Variants in STPG2 observed in about 807,000 individuals in gnomAD.
STPG2 encodes the protein sperm-tail PG-rich repeat-containing protein 2.
In STPG2, 56 loss-of-function variants were observed where a neutral mutation model predicts 54.2. That is an observed-to-expected ratio of 1.03 (90% CI 0.83 to 1.29). The LOEUF (loss-of-function observed/expected upper bound fraction) is 1.29, where lower values mean the gene tolerates loss of function less well. Ranked by LOEUF, STPG2 falls within the 50% of genes most tolerant of loss-of-function variation. STPG2 has a pLI of 0.00. For missense variants in STPG2, 596 were observed against 544.9 expected (o/e 1.09, Z -0.93); for synonymous variants, 200 against 181.8 (o/e 1.10, Z -0.81).
At position 97,840,856 on chromosome 4, in the gene STPG2, G is replaced by C. The variant is rs759189218; in HGVS notation, c.1121C>G (p.Pro374Arg). The C allele has an allele frequency of 6.2e-7, 1 of 1,612,002 alleles. No individual in the cohort carries two copies. The highest frequency in any genetic ancestry group is 8.5e-7 in the Non-Finnish European group (1 of 1,178,606). ...TTTTCTTTTAGCCACTAAACTACGA[G>C]GTGGCATATATTTATGCTTAACTTG... ...MSQVKHKYMPPRSLVAKRKHA... is the reference protein window; with the variant it reads ...MSQVKHKYMPRRSLVAKRKHA... Residue 374 changes from proline to arginine, a missense_variant, in exon 9 of 11, where the codon CCT becomes CGT. Coordinates refer to ENST00000295268, the MANE Select transcript of STPG2 (RefSeq NM_174952.3).
intron 4 of STPG2, among the ~76,000 whole-genome samples, chr4:97,497,278 C>A (rs556782300): frequency 6.6e-6 from 1 of 151,774 alleles, no homozygotes; most frequent in African/African-American, 2.4e-5. Context: ...TTGCTACATG[C>A]CCAATTATAA....
intron 5 of STPG2, among the ~76,000 whole-genome samples, chr4:98,084,873 T>C (rs925745592): frequency 6.6e-6 from 1 of 152,172 alleles, no homozygotes; most frequent in African/African-American, 2.4e-5. Flanking sequence ...CAGATAGATA[T>C]GTTGCAATAT....
chr4:97,612,207 T>G (rs1331639231), intron 10 of STPG2, among the ~76,000 whole-genome samples: 2 of 150,850 alleles, frequency 1.3e-5, no homozygotes, highest in Non-Finnish European at 3.0e-5. Flanking sequence ...TACCACACAC[T>G]TAAACAAGAT....
At chr4:97,972,550 T>C in intron 6 of STPG2, 110 bp from the exon 7 acceptor site, 2 of 614,452 alleles carry the variant, frequency 3.3e-6, no homozygotes, top group South Asian at 1.1e-4. Context: ...AACCCTCACA[T>C]ATTTCTGGCA....
chr4:97,748,842 C>A (rs934272899), intron 9 of STPG2, among the ~76,000 whole-genome samples: 1 of 151,502 alleles, frequency 6.6e-6, no homozygotes, highest in Non-Finnish European at 1.5e-5. Flanking sequence ...CTGAGTTGTA[C>A]AAAAATAGAT....
intron 9 of STPG2, among the ~76,000 whole-genome samples, chr4:97,735,287 A>G (rs1277801234): frequency 6.6e-6 from 1 of 151,670 alleles, no homozygotes; most frequent in Admixed American, 6.6e-5. Context: ...ACACAAAGTG[A>G]AATAACACAT....
intron 5 of STPG2, among the ~76,000 whole-genome samples, chr4:98,010,110 C>A (rs1462756226): frequency 6.6e-6 from 1 of 151,364 alleles, no homozygotes; most frequent in Admixed American, 6.6e-5. Flanking sequence ...CATTTATTTG[C>A]CCTCTGATCT....
At chr4:97,761,131 T>G (rs1405149599) in intron 9 of STPG2, among the ~76,000 whole-genome samples, 1 of 152,204 alleles carries the variant, frequency 6.6e-6, no homozygotes, top group Non-Finnish European at 1.5e-5. Flanking sequence ...ACTTTAATTA[T>G]CCCTTGCCTT....
intron 5 of STPG2, chr4:98,025,474 C>T: frequency 1.9e-6 from 1 of 525,716 alleles, no homozygotes; most frequent in Non-Finnish European, 3.6e-6. Context: ...AAACTGAATA[C>T]CATGCTTGGA....
intron 5 of STPG2, among the ~76,000 whole-genome samples, chr4:98,089,850 T>C (rs1404246734): frequency 1.3e-5 from 2 of 152,146 alleles, no homozygotes; most frequent in East Asian, 3.8e-4. Flanking sequence ...CTATCTTCTT[T>C]TGATAAATTT....
At chr4:97,493,656 A>G (rs998609633) in intron 4 of STPG2, among the ~76,000 whole-genome samples, 1 of 151,630 alleles carries the variant, frequency 6.6e-6, no homozygotes, top group Non-Finnish European at 1.5e-5. Flanking sequence ...TAAGATTTTC[A>G]TACAAAATGA....
chr4:97,925,416 G>C (rs1732296789), intron 8 of STPG2, among the ~76,000 whole-genome samples: 1 of 152,176 alleles, frequency 6.6e-6, no homozygotes, highest in Non-Finnish European at 1.5e-5. Flanking sequence ...AAAATGTAAT[G>C]GAAGTACAGG....
chr4:98,107,637 G>C (rs13107586), intron 4 of STPG2, among the ~76,000 whole-genome samples: 59,928 of 151,784 alleles, frequency 0.39, 12,032 homozygotes, highest in Middle Eastern at 0.45. Flanking sequence ...ACAGTCCCGG[G>C]TATGCCTGGG....
intron 5 of STPG2, among the ~76,000 whole-genome samples, chr4:98,105,311 C>T (rs1027599794): frequency 6.6e-6 from 1 of 152,056 alleles, no homozygotes; most frequent in African/African-American, 2.4e-5. Context: ...AAGCGGGGTC[C>T]AAAGTAGAGC....
At chr4:98,014,696 A>T (rs1427940143) in intron 5 of STPG2, among the ~76,000 whole-genome samples, 1 of 152,086 alleles carries the variant, frequency 6.6e-6, no homozygotes, top group Non-Finnish European at 1.5e-5. Flanking sequence ...TATATTCCTT[A>T]TAGTCAATGT....
chr4:97,809,911 A>G (rs1418033343), intron 9 of STPG2, among the ~76,000 whole-genome samples: 1 of 152,184 alleles, frequency 6.6e-6, no homozygotes, highest in African/African-American at 2.4e-5. Context: ...AATAAAAAAA[A>G]ATGCACTAGT....
chr4:97,558,768 AC>A (rs1427517956), downstream of STPG2: 4 of 304,004 alleles, frequency 1.3e-5, no homozygotes, highest in African/African-American at 4.5e-5. Context: ...AAATTCCCAG[AC>A]CAAAGAAACT....
intron 8 of STPG2, among the ~76,000 whole-genome samples, chr4:97,900,141 T>C (rs547316929): frequency 3.3e-5 from 5 of 152,176 alleles, no homozygotes; most frequent in Non-Finnish European, 5.9e-5. Flanking sequence ...AAAGAAGACA[T>C]ACATGCAGCC....
intron 10 of STPG2, among the ~76,000 whole-genome samples, chr4:97,568,967 A>G (rs1436019630): frequency 1.3e-5 from 2 of 151,472 alleles, no homozygotes; most frequent in Non-Finnish European, 2.9e-5. Context: ...TCCAGACCCC[A>G]AAAAAGGGTT....
Sources: allele counts gnomAD v4.1 joint callset (sites outside exome capture counted in the v4.1 genomes callset), GRCh38; gene constraint gnomAD v4.1.1; transcripts MANE v1.5; gene names NCBI Gene and HGNC (gene_info 2026-07-23, HGNC 2026-07-21).